AUH: variants seen among roughly 807,000 people sequenced by gnomAD.
AUH encodes the protein AU RNA binding methylglutaconyl-CoA hydratase.
Under a neutral mutation model 42.3 loss-of-function variants are expected in AUH, and 29 were observed. The ratio of observed to expected loss-of-function variants is 0.69; its 90% CI spans 0.51 to 0.93. The LOEUF is 0.93. Ranked by LOEUF, AUH falls within the 40% of genes least tolerant of loss-of-function variation. The probability of loss-of-function intolerance (pLI) is 0.00; values close to 1 mark genes in which losing one functional copy is unlikely to be tolerated. For synonymous variants in AUH, 174 were observed against 166.4 expected (o/e 1.05, Z -0.35); for missense variants, 452 against 438.1 (o/e 1.03, Z -0.28).
chr9:91,321,350 TTTTTAAGA>T (rs1190714216), intron 4 of AUH, among the ~76,000 whole-genome samples: 2 of 152,252 alleles, frequency 1.3e-5, no homozygotes, highest in African/African-American at 4.8e-5. Flanking sequence ...TCTTTACATT[TTTTTAAGA>T]TTGGATGAAC....
chr9:91,331,759 C>G (rs1478870065), intron 3 of AUH, among the ~76,000 whole-genome samples: 3 of 152,124 alleles, frequency 2.0e-5, no homozygotes, highest in African/African-American at 7.2e-5. Context: ...AATTTCTATA[C>G]TTATATTTGC....
intron 6 of AUH, among the ~76,000 whole-genome samples, chr9:91,290,944 T>C (rs749870380): frequency 1.3e-5 from 2 of 152,188 alleles, no homozygotes; most frequent in African/African-American, 4.8e-5. Context: ...GCCATAAACC[T>C]GGTACCTCTG....
At chr9:91,262,886 T>A (rs1048220435) in intron 6 of AUH, among the ~76,000 whole-genome samples, 5 of 152,152 alleles carry the variant, frequency 3.3e-5, no homozygotes, top group Admixed American at 1.3e-4. Flanking sequence ...AGTAGAAATT[T>A]GCTTGGGGAG....
intron 6 of AUH, among the ~76,000 whole-genome samples, chr9:91,295,050 C>T (rs908953907): frequency 2.6e-5 from 4 of 152,080 alleles, no homozygotes; most frequent in Non-Finnish European, 5.9e-5. Flanking sequence ...CTATTCTCGT[C>T]GTGGTGAATA....
At chr9:91,290,788 T>G (rs1192480571) in intron 6 of AUH, among the ~76,000 whole-genome samples, 1 of 152,144 alleles carries the variant, frequency 6.6e-6, no homozygotes, top group Non-Finnish European at 1.5e-5. Context: ...CACAAAACTT[T>G]TCATAATCAA....
At chr9:91,335,249 C>T (rs1448271321) in intron 3 of AUH, among the ~76,000 whole-genome samples, 1 of 152,244 alleles carries the variant, frequency 6.6e-6, no homozygotes, top group Non-Finnish European at 1.5e-5. Context: ...TCAATTTCCA[C>T]ATTGCTCTGG....
intron 4 of AUH, among the ~76,000 whole-genome samples, chr9:91,305,567 G>A (rs1292817309): frequency 6.6e-6 from 1 of 152,132 alleles, no homozygotes; most frequent in East Asian, 1.9e-4. Context: ...TGTGAGCCCT[G>A]AGAAAAGTTG....
intron 6 of AUH, among the ~76,000 whole-genome samples, chr9:91,292,384 T>C (rs113836312): frequency 0.11 from 17,332 of 151,012 alleles, 1,119 homozygotes; most frequent in African/African-American, 0.17. Flanking sequence ...GTTCAAGCAA[T>C]TCTCCTGCCT....
chr9:91,306,421 T>G (rs1828225162), intron 4 of AUH: 1 of 976,500 alleles, frequency 1.0e-6, no homozygotes, highest in Non-Finnish European at 1.2e-6. Context: ...GTAAATGCAG[T>G]CACTTCTATT....
intron 4 of AUH, among the ~76,000 whole-genome samples, chr9:91,314,973 G>C (rs995667574): frequency 6.6e-6 from 1 of 152,226 alleles, no homozygotes; most frequent in Non-Finnish European, 1.5e-5. Flanking sequence ...ACCCAGACTG[G>C]AGTGCAGTGG....
intron 6 of AUH, among the ~76,000 whole-genome samples, chr9:91,236,688 A>G (rs1046127688): frequency 5.3e-5 from 8 of 152,158 alleles, no homozygotes; most frequent in African/African-American, 1.9e-4. Context: ...GCTGAATGGG[A>G]AGGAGGAAGA....
intron 3 of AUH, 83 bp from the exon 4 acceptor site, chr9:91,325,487 T>C: frequency 8.8e-7 from 1 of 1,132,194 alleles, no homozygotes; most frequent in Non-Finnish European, 1.3e-6. Context: ...TTAAGATTAG[T>C]ATACAACTTC....
At chr9:91,302,675 A>G (rs1827893317) in intron 4 of AUH, among the ~76,000 whole-genome samples, 1 of 152,214 alleles carries the variant, frequency 6.6e-6, no homozygotes, top group Non-Finnish European at 1.5e-5. Flanking sequence ...AAGGTGAGGC[A>G]GGGGAATTGC....
At chr9:91,334,918 A>G (rs968117444) in intron 3 of AUH, among the ~76,000 whole-genome samples, 4 of 152,202 alleles carry the variant, frequency 2.6e-5, no homozygotes, top group African/African-American at 9.6e-5. Context: ...CAAGATAACC[A>G]ATGATTTCCA....
Position 91,220,873 on chromosome 9 carries a change from C to T in AUH, c.775G>A (p.Glu259Lys). The T allele has an allele frequency of 6.2e-7, 1 of 1,614,268 alleles. No homozygotes were observed. The highest frequency in any genetic ancestry group is 8.5e-7 in the Non-Finnish European group (1 of 1,180,054). The change falls in exon 7 of 10, where the codon GAA (glutamate) becomes AAA (lysine). Residue 259 changes from glutamate (E) to lysine (K), a missense_variant. Transcript: ENST00000375731. Reference protein sequence around the residue: ...KAVGLISHVLEQNQEGDAAYR... With the variant: ...KAVGLISHVLKQNQEGDAAYR... ...GCCGCGTCTCCCTCCTGGTTCTGTT[C>T]CAGAACGTGGCTGATTAAGCCCACT...
intron 6 of AUH, among the ~76,000 whole-genome samples, chr9:91,243,662 G>C (rs1828637637): frequency 6.6e-6 from 1 of 152,230 alleles, no homozygotes; most frequent in African/African-American, 2.4e-5. Context: ...CCTGTGCAGA[G>C]GGGCCTGAGC....
intron 6 of AUH, among the ~76,000 whole-genome samples, chr9:91,225,435 C>T (rs1194239861): frequency 6.6e-6 from 1 of 152,204 alleles, no homozygotes; most frequent in Admixed American, 6.5e-5. Flanking sequence ...TATCCTATTT[C>T]TGTCAGTTGA....
At chr9:91,286,082 C>T (rs1826382332) in intron 6 of AUH, among the ~76,000 whole-genome samples, 1 of 151,984 alleles carries the variant, frequency 6.6e-6, no homozygotes, top group Non-Finnish European at 1.5e-5. Context: ...TTATGAAAAT[C>T]AAATTTACCC....
intron 6 of AUH, among the ~76,000 whole-genome samples, chr9:91,278,061 G>C (rs575952254): frequency 3.0e-4 from 46 of 152,274 alleles, no homozygotes; most frequent in African/African-American, 1.1e-3. Flanking sequence ...GAGGTGTCAG[G>C]AAAGAAACAG....
Sources: allele counts gnomAD v4.1 joint callset (sites outside exome capture counted in the v4.1 genomes callset), GRCh38; gene constraint gnomAD v4.1.1; transcripts MANE v1.5; gene names NCBI Gene and HGNC (gene_info 2026-07-23, HGNC 2026-07-21).